The following SPATA6 variants were observed in gnomAD, a reference collection of about 807,000 sequenced individuals.
SPATA6 encodes spermatogenesis-associated protein 6.
SPATA6 carries 56 observed loss-of-function variants against 65.3 expected under a neutral mutation model. That is an observed-to-expected ratio of 0.86 (90% confidence interval 0.69 to 1.07). The LOEUF (loss-of-function observed/expected upper bound fraction) is 1.07, where lower values mean the gene tolerates loss of function less well. SPATA6 is among the 50% of genes least tolerant of loss of function. SPATA6 has a pLI of 0.00. For synonymous variants in SPATA6, 199 were observed against 213.2 expected, an observed-to-expected ratio of 0.93 and a Z score of 0.58; for missense variants, 590 against 594.8, an observed-to-expected ratio of 0.99 and a Z score of 0.08.
the SPATA6 span, among the ~76,000 whole-genome samples, chr1:48,283,697 A>AAAT: frequency 8.3e-5 from 1 of 12,012 alleles, no homozygotes; most frequent in Admixed American, 1.2e-3. Flanking sequence ...AAAAAAAAAA[A>AAAT]AAAGAAAGAA....
chr1:48,462,028 G>A (rs1225638067), intron 1 of SPATA6, among the ~76,000 whole-genome samples: 1 of 152,162 alleles, frequency 6.6e-6, no homozygotes, highest in Non-Finnish European at 1.5e-5. Flanking sequence ...AAAATGATGA[G>A]TTCATGTCCT....
chr1:48,381,654 T>C (rs1202102010), intron 9 of SPATA6, among the ~76,000 whole-genome samples: 2 of 146,906 alleles, frequency 1.4e-5, no homozygotes, highest in African/African-American at 5.0e-5. Flanking sequence ...TTTTCTTTTT[T>C]TTTTTTTTTA....
At chr1:48,425,060 T>G (rs529066035) in intron 3 of SPATA6, among the ~76,000 whole-genome samples, 83 of 152,310 alleles carry the variant, frequency 5.4e-4, no homozygotes, top group African/African-American at 1.9e-3. Flanking sequence ...CAAGAAGTCT[T>G]TGCCCTGACC....
chr1:48,395,728 G>A (rs190834567), intron 7 of SPATA6, among the ~76,000 whole-genome samples: 1 of 151,940 alleles, frequency 6.6e-6, no homozygotes, highest in East Asian at 1.9e-4. Context: ...TCCTTAGCAT[G>A]CACATTTTGA....
chr1:48,423,383 G>A (rs1653529145), intron 3 of SPATA6, among the ~76,000 whole-genome samples: 1 of 151,060 alleles, frequency 6.6e-6, no homozygotes, highest in Non-Finnish European at 1.5e-5. Flanking sequence ...TGGAACCCAG[G>A]AGGTGGAGGT....
At chr1:48,426,435 A>G (rs1186693383) in intron 3 of SPATA6, among the ~76,000 whole-genome samples, 4 of 152,148 alleles carry the variant, frequency 2.6e-5, no homozygotes, top group Non-Finnish European at 1.5e-5. Flanking sequence ...AACCCAAGAC[A>G]CTAGGAAAAA....
In SPATA6 at chr1:48,364,761, T is replaced by C. The variant is rs1487583891; in HGVS notation, c.910-4991A>G. Among the ~76,000 whole-genome samples the C allele has an allele frequency of 3.2e-4, 48 of 152,242 alleles. 1 individual carries two copies. The highest frequency in any genetic ancestry group is 3.1e-3 in the Admixed American group (47 of 15,282). On this transcript the variant is annotated intron_variant, in intron 9 of 12. Coordinates refer to ENST00000371847, the MANE Select transcript of SPATA6 (RefSeq NM_019073.4). ...CATTTTGTAGGTTGCCTGTTCACTC[T>C]GATGGTAGTTTCTTTTGCTGTGCAG...
chr1:48,307,753 A>G (rs1336557855), intron 11 of SPATA6, among the ~76,000 whole-genome samples: 1 of 151,486 alleles, frequency 6.6e-6, no homozygotes, highest in Non-Finnish European at 1.5e-5. Flanking sequence ...GTTTTTCCTT[A>G]TATTTTTGGG....
intron 8 of SPATA6, among the ~76,000 whole-genome samples, chr1:48,391,014 T>A (rs1650001603): frequency 6.6e-6 from 1 of 152,040 alleles, no homozygotes; most frequent in South Asian, 2.1e-4. Flanking sequence ...CAGTCCAACT[T>A]CTCTTCTGTA....
chr1:48,283,360 T>G, the SPATA6 span, among the ~76,000 whole-genome samples: 12 of 150,868 alleles, frequency 8.0e-5, no homozygotes, highest in African/African-American at 2.9e-4. Context: ...ATAAAAAAAA[T>G]TTTTAAAAAA....
chr1:48,359,513 C>T (rs560036722), intron 10 of SPATA6, 73 bp downstream of exon 10: 1,529 of 1,470,930 alleles, frequency 1.0e-3, no homozygotes, highest in Non-Finnish European at 1.3e-3. Flanking sequence ...ATTTCACATG[C>T]ATAATTGCTG....
intron 11 of SPATA6, among the ~76,000 whole-genome samples, chr1:48,344,473 T>C (rs1050792741): frequency 6.6e-6 from 1 of 152,052 alleles, no homozygotes; most frequent in East Asian, 1.9e-4. Context: ...AGGAACCACA[T>C]AGTCTGCGAG....
chr1:48,278,075 C>G, the SPATA6 span, among the ~76,000 whole-genome samples: 1 of 152,208 alleles, frequency 6.6e-6, no homozygotes. Flanking sequence ...CAAACAGCGT[C>G]TGGAGTGGAC....
the SPATA6 span, among the ~76,000 whole-genome samples, chr1:48,284,655 CTGTT>C: frequency 6.6e-6 from 1 of 152,112 alleles, no homozygotes; most frequent in African/African-American, 2.4e-5. Context: ...CTATTCTTTT[CTGTT>C]TGTTAGTTTT....
At chr1:48,325,328 G>GC in intron 11 of SPATA6, 1 of 1,273,048 alleles carries the variant, frequency 7.9e-7, no homozygotes, top group East Asian at 2.3e-5. Context: ...TAGGGCACAG[G>GC]CCCCCGTAGA....
chr1:48,426,907 C>CA (rs1388994175), intron 3 of SPATA6, among the ~76,000 whole-genome samples: 1 of 150,142 alleles, frequency 6.7e-6, no homozygotes, highest in Admixed American at 6.6e-5. Context: ...AAAGTAAAAA[C>CA]AGAGAAAAAA....
At chr1:48,315,059 C>A (rs1182239772) in intron 11 of SPATA6, among the ~76,000 whole-genome samples, 1 of 152,002 alleles carries the variant, frequency 6.6e-6, no homozygotes, top group Non-Finnish European at 1.5e-5. Flanking sequence ...AATAGCTTAC[C>A]AAACAAAAAA....
intron 3 of SPATA6, among the ~76,000 whole-genome samples, chr1:48,448,946 A>G (rs544787270): frequency 1.3e-5 from 2 of 152,156 alleles, no homozygotes; most frequent in Non-Finnish European, 1.5e-5. Flanking sequence ...ATTCTAAATT[A>G]GAAAATGATG....
At chr1:48,301,002 C>T (rs779318119) in intron 12 of SPATA6, among the ~76,000 whole-genome samples, 7 of 151,926 alleles carry the variant, frequency 4.6e-5, no homozygotes, top group East Asian at 1.9e-4. Flanking sequence ...TGCCCACTTT[C>T]GCCACTTATA....
Sources: gnomAD v4.1 joint callset for allele counts (sites outside exome capture counted in the v4.1 genomes callset) on GRCh38, gnomAD v4.1.1 for gene constraint, MANE v1.5 for transcripts, NCBI Gene and HGNC (gene_info 2026-07-23, HGNC 2026-07-21) for gene names.